Variants in DDIAS observed in about 807,000 individuals in gnomAD.
DDIAS encodes DNA damage induced apoptosis suppressor, also known as DNA damage-induced apoptosis suppressor protein.
In DDIAS, 14 loss-of-function variants were observed where a neutral mutation model predicts 15.7. That is an observed-to-expected ratio of 0.89 (90% CI 0.59 to 1.39). The LOEUF (loss-of-function observed/expected upper bound fraction) is 1.39, where lower values mean the gene tolerates loss of function less well. Among genes scored for constraint, DDIAS ranks in the 40% most tolerant of loss-of-function variants. DDIAS has a pLI of 0.00. For synonymous variants in DDIAS, 355 were observed against 395.9 expected (o/e 0.90, Z 1.23); for missense variants, 1,035 against 1,130.9 (o/e 0.92, Z 1.22).
At chr11:82,930,094 C>A (rs1203617607) in intron 4 of DDIAS, 63 bp from the exon 5 acceptor site, 3 of 955,142 alleles carry the variant, frequency 3.1e-6, no homozygotes, top group South Asian at 3.1e-5. Flanking sequence ...GTGTCTCTGA[C>A]TTTATGGCAA....
chr11:82,931,722 T>C lies in DDIAS; in HGVS notation c.394-10T>C, dbSNP rs372088956. On this transcript the variant is annotated splice_polypyrimidine_tract_variant and intron_variant, in intron 5 of 5. Transcript: ENST00000533655. Reference sequence around the variant, plus strand: ...TTATTCTTACTTAAATTTCTTTGCTTCTTTCACAGAATTTTGAAAACCAAC... The same window carrying C: ...TTATTCTTACTTAAATTTCTTTGCTCCTTTCACAGAATTTTGAAAACCAAC... The C allele has an allele frequency of 1.3e-6, 2 of 1,565,506 alleles. No individual in the cohort carries two copies. Among genetic ancestry groups the C allele is most frequent in the Non-Finnish European group, 1.7e-6 (2 of 1,160,976 alleles).
At chr11:82,919,175 A>G (rs1013150472) in intron 3 of DDIAS, among the ~76,000 whole-genome samples, 7 of 152,122 alleles carry the variant, frequency 4.6e-5, no homozygotes, top group Admixed American at 2.0e-4. Flanking sequence ...TCTTGTTCCA[A>G]TTCTCAGAGG....
At chr11:82,930,907 A>G (rs969992630) in intron 5 of DDIAS, among the ~76,000 whole-genome samples, 13 of 152,174 alleles carry the variant, frequency 8.5e-5, no homozygotes, top group African/African-American at 2.9e-4. Flanking sequence ...GGAAGGTAGA[A>G]TCAACGGCTA....
At chr11:82,906,197 G>C (rs1404577723) in intron 1 of DDIAS, among the ~76,000 whole-genome samples, 4 of 152,084 alleles carry the variant, frequency 2.6e-5, no homozygotes, top group Admixed American at 6.5e-5. Context: ...TGTCTGAAAC[G>C]ATCTTATTCT....
In DDIAS at chr11:82,933,848, C is replaced by G. The variant is rs758900735; in HGVS notation, c.2510C>G (p.Pro837Arg). The change falls in exon 6 of 6, where the codon CCT becomes CGT. Residue 837 changes from proline (P) to arginine (R), a missense_variant. Physicochemically the swap from Pro to Arg is moderately radical, Grantham distance 103. Coordinates refer to ENST00000533655, the MANE Select transcript of DDIAS (RefSeq NM_145018.4). Reference sequence around the variant, plus strand: ...ACACCTAGCCAGAAAATCAGAAGCCCTATTGTATCTGGTGTTTCACAACCA... The same window carrying G: ...ACACCTAGCCAGAAAATCAGAAGCCGTATTGTATCTGGTGTTTCACAACCA... The part of the protein sequence containing the change: ...IKTPSQKIRS[P>R]IVSGVSQPDV... 1.2e-6 allele frequency: 2 copies of G among 1,613,976 alleles called. No individual in the cohort carries two copies. Among genetic ancestry groups the G allele is most frequent in the Non-Finnish European group, 1.7e-6 (2 of 1,180,030 alleles).
intron 1 of DDIAS, among the ~76,000 whole-genome samples, chr11:82,902,561 A>T (rs1161911872): frequency 6.6e-6 from 1 of 152,068 alleles, no homozygotes; most frequent in Non-Finnish European, 1.5e-5. Context: ...CTTTAACATG[A>T]CTTACAGACT....
intron 3 of DDIAS, among the ~76,000 whole-genome samples, chr11:82,918,441 C>G (rs1395998616): frequency 6.6e-6 from 1 of 152,160 alleles, no homozygotes; most frequent in Non-Finnish European, 1.5e-5. Context: ...GCCTATGTGC[C>G]TATTTTTATA....
intron 1 of DDIAS, among the ~76,000 whole-genome samples, chr11:82,904,884 C>T (rs1860394272): frequency 6.6e-6 from 1 of 152,206 alleles, no homozygotes; most frequent in Non-Finnish European, 1.5e-5. Context: ...CCAAACAGCT[C>T]TTCTTCAAGC....
chr11:82,902,614 T>G (rs1565241229), intron 1 of DDIAS, among the ~76,000 whole-genome samples: 1 of 152,272 alleles, frequency 6.6e-6, no homozygotes, highest in African/African-American at 2.4e-5. Context: ...CCCTAGTGGT[T>G]TTCCACCGCT....
At chr11:82,929,690 C>T (rs1276705332) in intron 4 of DDIAS, among the ~76,000 whole-genome samples, 2 of 141,588 alleles carry the variant, frequency 1.4e-5, no homozygotes, top group Non-Finnish European at 3.0e-5. Flanking sequence ...GGAGACAGAG[C>T]GAGACTCTGT....
In DDIAS at chr11:82,914,733, G is replaced by T. The variant is rs548481924; in HGVS notation, c.-6G>T. The T allele has an allele frequency of 1.3e-6, 2 of 1,548,652 alleles. No individual in the cohort carries two copies. Among genetic ancestry groups the T allele is most frequent in the Non-Finnish European group, 1.8e-6 (2 of 1,122,018 alleles). ...TATTTTGTTTTGCAGACCACGGTGTGAACACATGAACAGAAGACGAAAATT... is the reference window on the plus strand; with the variant it reads ...TATTTTGTTTTGCAGACCACGGTGTTAACACATGAACAGAAGACGAAAATT... On this transcript the variant is annotated 5_prime_UTR_variant, in exon 3 of 6. Transcript: ENST00000533655.
At chr11:82,910,423 G>GC (rs1447299646) in intron 1 of DDIAS, among the ~76,000 whole-genome samples, 1 of 151,220 alleles carries the variant, frequency 6.6e-6, no homozygotes, top group African/African-American at 2.4e-5. Context: ...GATTACAGGT[G>GC]CACACCAGGC....
At chr11:82,923,052 G>T (rs1200409108) in intron 3 of DDIAS, among the ~76,000 whole-genome samples, 1 of 152,246 alleles carries the variant, frequency 6.6e-6, no homozygotes, top group Non-Finnish European at 1.5e-5. Context: ...TCGTTTATGG[G>T]TGTCTCGGCC....
rs1861039245 is a variant in DDIAS, at chr11:82,933,217, A to G, written c.1879A>G (p.Ile627Val). ...CAAGAACCAAGATGACAGTTTTACA[A>G]TTTGCAGGAAACTTACATATCCTTT... is the stretch of plus-strand genomic sequence containing the variant. Reference protein sequence around the residue: ...WSKNQDDSFTICRKLTYPLET... With the variant: ...WSKNQDDSFTVCRKLTYPLET... The change falls in exon 6 of 6, where the codon ATT becomes GTT. Residue 627 changes from isoleucine (I) to valine (V), a missense_variant. Ile to Val is a conservative substitution (Grantham distance 29). Transcript: ENST00000533655. The G allele has an allele frequency of 6.2e-7, 1 of 1,611,914 alleles. No homozygotes were observed. The highest frequency in any genetic ancestry group is 1.1e-5 in the South Asian group (1 of 90,440).
chr11:82,907,901 G>A (rs534333432), intron 1 of DDIAS, among the ~76,000 whole-genome samples: 3 of 152,254 alleles, frequency 2.0e-5, no homozygotes, highest in Non-Finnish European at 2.9e-5. Context: ...AAGCACTGGG[G>A]TTACAGTAGA....
intron 3 of DDIAS, among the ~76,000 whole-genome samples, chr11:82,920,526 C>G (rs1803228616): frequency 6.6e-6 from 1 of 152,092 alleles, no homozygotes; most frequent in Admixed American, 6.6e-5. Context: ...TATGACCTTT[C>G]CTTTTAGCAC....
chr11:82,932,713 A>G lies in DDIAS; in HGVS notation c.1375A>G (p.Ser459Gly), dbSNP rs772895614. 4 of 1,614,138 alleles carry G rather than the reference A, an allele frequency of 2.5e-6. No individual in the cohort carries two copies. In the South Asian group the frequency reaches 4.4e-5, roughly 18 times the overall value. The change falls in exon 6 of 6, where the codon AGC (serine) becomes GGC (glycine). Residue 459 changes from serine (S) to glycine (G), a missense_variant. Ser to Gly is a moderately conservative substitution (Grantham distance 56, BLOSUM62 0). Coordinates refer to ENST00000533655, the MANE Select transcript of DDIAS (RefSeq NM_145018.4). ...CATTGATAAATTTCATGCAGACCAC[A>G]GCAGGTTATCTGTGACTCCCCAGAG... ...NDIDKFHADH[S>G]RLSVTPQRTT...
At chr11:82,912,056 C>T (rs1378418215) in intron 1 of DDIAS, among the ~76,000 whole-genome samples, 2 of 152,136 alleles carry the variant, frequency 1.3e-5, no homozygotes, top group African/African-American at 4.8e-5. Context: ...TCCAGGCTTT[C>T]TTCTTCCATT....
chr11:82,931,668 T>A, intron 5 of DDIAS, 64 bp from the exon 6 acceptor site: 2 of 1,448,674 alleles, frequency 1.4e-6, no homozygotes, highest in Non-Finnish European at 1.9e-6. Flanking sequence ...TAAATTTCTG[T>A]TTCATGTTTA....
Sources: gnomAD v4.1 joint callset for allele counts (sites outside exome capture counted in the v4.1 genomes callset) on GRCh38, gnomAD v4.1.1 for gene constraint, MANE v1.5 for transcripts, NCBI Gene and HGNC (gene_info 2026-07-23, HGNC 2026-07-21) for gene names.